Variants in ROR1 observed in about 807,000 individuals in gnomAD.
The protein encoded by ROR1 is ROR family WNT receptor 1.
Under a neutral mutation model 78.8 loss-of-function variants are expected in ROR1, and 19 were observed. The ratio of observed to expected loss-of-function variants is 0.24; its 90% CI spans 0.17 to 0.35. ROR1 has a LOEUF of 0.35. ROR1 is among the 10% of genes least tolerant of loss of function. The probability of loss-of-function intolerance (pLI) is 1.00; values close to 1 mark genes in which losing one functional copy is unlikely to be tolerated. For missense variants in ROR1, 917 were observed against 1,177.8 expected, an observed-to-expected ratio of 0.78 and a Z score of 3.24; for synonymous variants, 386 against 433.6, an observed-to-expected ratio of 0.89 and a Z score of 1.36.
chr1:64,046,393 G>T (rs1160256942), intron 2 of ROR1, among the ~76,000 whole-genome samples: 1 of 152,214 alleles, frequency 6.6e-6, no homozygotes, highest in Non-Finnish European at 1.5e-5. Flanking sequence ...TTTGTGGCAA[G>T]GCTCCTTTGT....
intron 7 of ROR1, among the ~76,000 whole-genome samples, chr1:64,157,797 C>T (rs4294454): frequency 0.92 from 140,203 of 152,236 alleles, 65,719 homozygotes; most frequent in East Asian, 1. Context: ...CATGTCATAC[C>T]TAATTTTGTA....
At chr1:64,108,089 TGTG>T (rs1647905563) in intron 4 of ROR1, among the ~76,000 whole-genome samples, 1 of 151,144 alleles carries the variant, frequency 6.6e-6, no homozygotes. Context: ...TGTGTGTGTG[TGTG>T]TGTGTGTTTA....
At chr1:63,878,996 A>G (rs945785804) in intron 1 of ROR1, among the ~76,000 whole-genome samples, 12 of 152,122 alleles carry the variant, frequency 7.9e-5, no homozygotes, top group African/African-American at 2.9e-4. Context: ...TTGAAACCCC[A>G]ACTATTAAGG....
intron 1 of ROR1, among the ~76,000 whole-genome samples, chr1:63,799,855 T>C (rs1234931452): frequency 6.6e-6 from 1 of 152,196 alleles, no homozygotes; most frequent in Non-Finnish European, 1.5e-5. Context: ...AAAGCTCAAG[T>C]TTTTATGGCA....
At chr1:64,057,595 G>A (rs1308545598) in intron 4 of ROR1, among the ~76,000 whole-genome samples, 2 of 152,028 alleles carry the variant, frequency 1.3e-5, no homozygotes, top group Admixed American at 6.6e-5. Context: ...ACCTCTTAAG[G>A]CCTTTCATCT....
intron 1 of ROR1, among the ~76,000 whole-genome samples, chr1:63,799,298 C>T (rs1451460795): frequency 6.6e-6 from 1 of 152,166 alleles, no homozygotes; most frequent in Non-Finnish European, 1.5e-5. Context: ...TCCCCATTGC[C>T]ATGGCCATGG....
intron 2 of ROR1, among the ~76,000 whole-genome samples, chr1:64,029,947 C>G (rs932039709): frequency 6.6e-6 from 1 of 152,100 alleles, no homozygotes; most frequent in African/African-American, 2.4e-5. Flanking sequence ...TATTCATTAC[C>G]CAACTCAAAT....
intron 1 of ROR1, among the ~76,000 whole-genome samples, chr1:63,966,823 T>C (rs1212989743): frequency 6.6e-6 from 1 of 152,198 alleles, no homozygotes; most frequent in Admixed American, 6.5e-5. Context: ...TACTGGAAAA[T>C]GACCAAGCAT....
chr1:63,865,947 G>A (rs1369080254), intron 1 of ROR1, among the ~76,000 whole-genome samples: 1 of 152,106 alleles, frequency 6.6e-6, no homozygotes, highest in Admixed American at 6.6e-5. Flanking sequence ...GGCAAGTCTG[G>A]TGGAGAAAAA....
chr1:64,142,866 C>T, intron 7 of ROR1: 3 of 1,390,044 alleles, frequency 2.2e-6, no homozygotes, highest in Non-Finnish European at 2.8e-6. Context: ...TTTATACCTG[C>T]AGCCATTGCA....
At chr1:64,110,995 A>C (rs1648072505) in intron 4 of ROR1, 1 of 147,670 alleles carries the variant, frequency 6.8e-6, no homozygotes, top group African/African-American at 2.5e-5. Flanking sequence ...GAGAAGGAAG[A>C]AAAAAAAAAA....
At chr1:63,970,129 T>G (rs1646107597) in intron 1 of ROR1, among the ~76,000 whole-genome samples, 1 of 152,158 alleles carries the variant, frequency 6.6e-6, no homozygotes, top group African/African-American at 2.4e-5. Context: ...TTTCATTCTT[T>G]AGATATTGAA....
chr1:63,906,360 G>A (rs890551159), intron 1 of ROR1, among the ~76,000 whole-genome samples: 26 of 152,126 alleles, frequency 1.7e-4, no homozygotes, highest in African/African-American at 4.8e-4. Flanking sequence ...CCTCAGAAGC[G>A]CACGTGCTAT....
intron 1 of ROR1, among the ~76,000 whole-genome samples, chr1:63,962,479 A>T (rs529373026): frequency 6.6e-6 from 1 of 152,308 alleles, no homozygotes; most frequent in South Asian, 2.1e-4. Context: ...GTACCTGGAG[A>T]TGTAAGTACA....
chr1:64,145,416 A>G (rs887232909), intron 7 of ROR1, among the ~76,000 whole-genome samples: 1 of 152,196 alleles, frequency 6.6e-6, no homozygotes, highest in African/African-American at 2.4e-5. Context: ...CCTACCTGTT[A>G]CTTGTTATTA....
intron 1 of ROR1, among the ~76,000 whole-genome samples, chr1:63,844,027 C>T (rs1344709157): frequency 6.6e-6 from 1 of 152,172 alleles, no homozygotes; most frequent in Admixed American, 6.5e-5. Flanking sequence ...TTGCTAATCC[C>T]TCTAGCCTTA....
chr1:63,975,183 A>G (rs772341469), intron 1 of ROR1, among the ~76,000 whole-genome samples: 8 of 152,220 alleles, frequency 5.3e-5, no homozygotes, highest in Non-Finnish European at 1.2e-4. Context: ...CAGTAAAACC[A>G]AATGGCTGGC....
At chr1:63,917,117 C>T (rs768639878) in intron 1 of ROR1, among the ~76,000 whole-genome samples, 1 of 152,138 alleles carries the variant, frequency 6.6e-6, no homozygotes. Flanking sequence ...ATCAGGTGAC[C>T]TCTTACATTG....
chr1:64,136,433 G>A (rs1315578665), intron 4 of ROR1, among the ~76,000 whole-genome samples: 1 of 151,128 alleles, frequency 6.6e-6, no homozygotes, highest in Non-Finnish European at 1.5e-5. Context: ...GTGGCAGGCA[G>A]ACTTTGGTTT....
Sources: gnomAD v4.1 joint callset for allele counts (sites outside exome capture counted in the v4.1 genomes callset) on GRCh38, gnomAD v4.1.1 for gene constraint, MANE v1.5 for transcripts, NCBI Gene and HGNC (gene_info 2026-07-23, HGNC 2026-07-21) for gene names.